The following FAM186B variants were observed in gnomAD, a reference collection of about 807,000 sequenced individuals.
FAM186B encodes the protein protein FAM186B.
A neutral mutation model predicts 83.4 loss-of-function variants in FAM186B; 68 were observed. The ratio of observed to expected loss-of-function variants is 0.81; its 90% confidence interval spans 0.67 to 1.00. The LOEUF is 1.00. FAM186B is among the 50% of genes least tolerant of loss of function. The pLI is 0.00. For missense variants in FAM186B, 983 were observed against 1,099.2 expected (o/e 0.89, Z 1.49); for synonymous variants, 389 against 422.0 (o/e 0.92, Z 0.96).
the FAM186B span, chr12:49,622,746 A>C: frequency 1.3e-5 from 2 of 152,366 alleles, no homozygotes; most frequent in South Asian, 4.1e-4. Flanking sequence ...TGAGGGGGGA[A>C]TAAAGGGAAC....
the FAM186B span, among the ~76,000 whole-genome samples, chr12:49,615,056 G>A: frequency 6.6e-6 from 1 of 152,024 alleles, no homozygotes; most frequent in Non-Finnish European, 1.5e-5. Flanking sequence ...TGAACCCAGG[G>A]AGGCAGAGCT....
the FAM186B span, among the ~76,000 whole-genome samples, chr12:49,612,364 A>C: frequency 1.4e-5 from 2 of 142,178 alleles, no homozygotes; most frequent in African/African-American, 5.9e-5. Flanking sequence ...TTAATCCAAC[A>C]AAGTTTTTTT....
At chr12:49,607,074 G>A (rs555754373), upstream of FAM186B, among the ~76,000 whole-genome samples, 12 of 152,042 alleles carry the variant, frequency 7.9e-5, no homozygotes, top group South Asian at 2.3e-3. Flanking sequence ...ACTTTGAACC[G>A]AGCAAAAATA....
intron 5 of FAM186B, among the ~76,000 whole-genome samples, chr12:49,590,051 C>G: frequency 6.9e-6 from 1 of 145,778 alleles, no homozygotes; most frequent in Admixed American, 6.8e-5. Context: ...TCCCAAGTTT[C>G]AGCTGTTATC....
At chr12:49,593,632 C>CAA (rs34152009) in intron 5 of FAM186B, among the ~76,000 whole-genome samples, 15 of 86,380 alleles carry the variant, frequency 1.7e-4, no homozygotes, top group Non-Finnish European at 2.5e-4. Context: ...GACTCCATCT[C>CAA]AAAAAAAAAA....
chr12:49,594,368 C>T (rs184208277), intron 5 of FAM186B: 1 of 157,444 alleles, frequency 6.4e-6, no homozygotes, highest in East Asian at 1.9e-4. Flanking sequence ...CCCCCTTATC[C>T]TTGGGGGATA....
intron 5 of FAM186B, among the ~76,000 whole-genome samples, chr12:49,597,235 A>AT (rs1939748728): frequency 6.6e-6 from 1 of 152,186 alleles, no homozygotes; most frequent in African/African-American, 2.4e-5. Flanking sequence ...CAACCCCATC[A>AT]TTAAGTGATG....
chr12:49,617,507 G>A, the FAM186B span, among the ~76,000 whole-genome samples: 1 of 152,124 alleles, frequency 6.6e-6, no homozygotes, highest in Non-Finnish European at 1.5e-5. Flanking sequence ...CCACACCACT[G>A]CACTCTAGCC....
chr12:49,583,103 C>T (rs757692080), downstream of FAM186B: 42 of 455,666 alleles, frequency 9.2e-5, no homozygotes, highest in Middle Eastern at 1.3e-3. Flanking sequence ...AGCACAGTGC[C>T]AAGAGCCTGT....
Position 49,605,010 on chromosome 12 carries a change from C to T in FAM186B, c.96+372G>A, listed in dbSNP as rs148902169. Among the ~76,000 whole-genome samples, 375 of 152,198 alleles carry T rather than the reference C, an allele frequency of 2.5e-3. 3 individuals are homozygous for T. Among genetic ancestry groups the T allele is most frequent in the African/African-American group, 8.6e-3 (355 of 41,516 alleles). ...GGTGATTTGAGCCTTTGGACATTTC[C>T]CCAACCCCTATGAACTTCCTGGGCT... On this transcript the variant is annotated intron_variant, in intron 1 of 6. Coordinates refer to ENST00000257894, the MANE Select transcript of FAM186B (RefSeq NM_032130.3).
rs1445707432 is a variant in FAM186B, at chr12:49,600,091, TCTC to T, written c.1546_1548del (p.Glu516del). On this transcript the variant is annotated inframe_deletion, in exon 4 of 7. Coordinates refer to ENST00000257894, the MANE Select transcript of FAM186B (RefSeq NM_032130.3). This position sits in a 1 kb window ranked among gnomAD's most constrained non-coding sequence, Gnocchi z 4.3. Reference sequence around the variant, plus strand: ...TCTTCCAGATTCCACTGCCGCAGCTTCTCCTGATGCTCCTGCTCCAGCAGGGCC... The same window carrying T: ...TCTTCCAGATTCCACTGCCGCAGCTTCTGATGCTCCTGCTCCAGCAGGGCC... 5 of 1,610,294 alleles carry T rather than the reference TCTC, an allele frequency of 3.1e-6. No individual in the cohort carries two copies. The highest frequency in any genetic ancestry group is 1.6e-4 in the Middle Eastern group (1 of 6,072).
chr12:49,611,021 C>T, the FAM186B span, among the ~76,000 whole-genome samples: 1 of 151,532 alleles, frequency 6.6e-6, no homozygotes, highest in Non-Finnish European at 1.5e-5. Flanking sequence ...GGGCGAATCA[C>T]TTGAGGCCAG....
chr12:49,622,195 TCCGTCCTCCTCCCC>T, the FAM186B span, among the ~76,000 whole-genome samples: 2 of 151,898 alleles, frequency 1.3e-5, no homozygotes, highest in African/African-American at 2.4e-5. Context: ...CCGCCGGTGG[TCCGTCCTCCTCCCC>T]CCGCCCGCCC....
chr12:49,617,293 C>A, the FAM186B span, among the ~76,000 whole-genome samples: 1 of 152,208 alleles, frequency 6.6e-6, no homozygotes, highest in African/African-American at 2.4e-5. Context: ...GCCTGTAATC[C>A]CAGCACTTTC....
In FAM186B at chr12:49,604,441, T is replaced by C. The variant is rs371449845; in HGVS notation, c.194A>G (p.Lys65Arg). 7 of 1,614,124 alleles carry C rather than the reference T, an allele frequency of 4.3e-6. No homozygotes were observed. Among genetic ancestry groups the C allele is most frequent in the African/African-American group, 1.3e-5 (1 of 74,932 alleles). The change falls in exon 2 of 7, where the codon AAA becomes AGA. Residue 65 changes from lysine (K) to arginine (R), a missense_variant. Transcript: ENST00000257894. ...GCCCTTTGGATCTCTCTGCTGAGAT[T>C]TGGCATTTTCTTTTAAATCATATCC... ...ELGYDLKENA[K>R]SQQRDPKGKK...
the FAM186B span, among the ~76,000 whole-genome samples, chr12:49,619,941 A>G: frequency 6.6e-6 from 1 of 151,930 alleles, no homozygotes; most frequent in African/African-American, 2.4e-5. Context: ...CGGCCTCCCA[A>G]AGTGCTGGGA....
chr12:49,600,697 C>G lies in FAM186B; in HGVS notation c.943G>C (p.Glu315Gln). 6.2e-7 allele frequency: 1 copy of G among 1,614,176 alleles called. No individual in the cohort carries two copies. The highest frequency in any genetic ancestry group is 1.7e-4 in the Middle Eastern group (1 of 6,060). The change falls in exon 4 of 7, where the codon GAG becomes CAG. Residue 315 changes from glutamate (E) to glutamine (Q), a missense_variant. Glu to Gln is a conservative substitution (Grantham distance 29). Coordinates refer to ENST00000257894, the MANE Select transcript of FAM186B (RefSeq NM_032130.3). The surrounding 1 kb of genome is among the most constrained non-coding windows in gnomAD (Gnocchi z 4.3). ...TTCTGAGCCTTCTTCAGCTGGAACT[C>G]CAAGGCCTGCTTCATCAGGAGAAGG... ...HDLLLMKQAL[E>Q]FQLKKAQNAT...
At position 49,587,715 on chromosome 12, in the gene FAM186B, C is replaced by T. The variant is rs147337440; in HGVS notation, c.2572G>A (p.Glu858Lys). The T allele has an allele frequency of 3.7e-5, 59 of 1,614,058 alleles. No individual in the cohort carries two copies. The African/African-American group carries it at 4.4e-4, about 12-fold the overall frequency. The change falls in exon 7 of 7, where the codon GAG becomes AAG. Residue 858 changes from glutamate to lysine, a missense_variant. Glu to Lys is a moderately conservative substitution (Grantham distance 56). Coordinates refer to ENST00000257894, the MANE Select transcript of FAM186B (RefSeq NM_032130.3). ...GKQMEAVWKT[E>K]VASSSYAIEK... ...ATTGCGTAACTGGAGGAGGCCACCT[C>T]GGTCTTCCAGACAGCCTCCATCTGC...
At chr12:49,606,513 A>ACT (rs939368979), upstream of FAM186B, among the ~76,000 whole-genome samples, 1 of 151,854 alleles carries the variant, frequency 6.6e-6, no homozygotes, top group African/African-American at 2.4e-5. Context: ...ACACACACAC[A>ACT]CACACACACA....
Sources: allele counts gnomAD v4.1 joint callset (sites outside exome capture counted in the v4.1 genomes callset), GRCh38; gene constraint gnomAD v4.1.1; non-coding constraint Gnocchi (gnomAD v3.1); transcripts MANE v1.5; gene names NCBI Gene and HGNC (gene_info 2026-07-23, HGNC 2026-07-21).